The following ESRRG variants were observed in gnomAD, a reference collection of about 807,000 sequenced individuals.
The protein encoded by ESRRG is estrogen-related receptor gamma.
Under a neutral mutation model 44.0 loss-of-function variants are expected in ESRRG, and 13 were observed. The observed-to-expected ratio is 0.30, with a 90% confidence interval of 0.19 to 0.47. The LOEUF (loss-of-function observed/expected upper bound fraction) is 0.47. Ranked by LOEUF, ESRRG falls within the 20% of genes least tolerant of loss-of-function variation. The probability of loss-of-function intolerance (pLI) is 1.00; values close to 1 mark genes in which losing one functional copy is unlikely to be tolerated. For missense variants in ESRRG, 395 were observed against 580.6 expected, an observed-to-expected ratio of 0.68 and a Z score of 3.29; for synonymous variants, 215 against 214.6, an observed-to-expected ratio of 1.00 and a Z score of -0.02.
intron 1 of ESRRG, among the ~76,000 whole-genome samples, chr1:216,947,837 A>G (rs1417979967): frequency 6.6e-6 from 1 of 152,166 alleles, no homozygotes; most frequent in African/African-American, 2.4e-5. Context: ...AAGCTTATAT[A>G]AGGTCATGAG....
intron 1 of ESRRG, chr1:216,714,724 G>C (rs1291712199): frequency 5.8e-6 from 1 of 172,292 alleles, no homozygotes; most frequent in African/African-American, 2.4e-5. Context: ...CAACTGAATA[G>C]TTCAATATAA....
intron 1 of ESRRG, among the ~76,000 whole-genome samples, chr1:216,706,569 A>G (rs2813711): frequency 0.84 from 128,496 of 152,188 alleles, 54,301 homozygotes; most frequent in South Asian, 0.91. Flanking sequence ...TGCATTGCAT[A>G]TCACTTGCAA....
At position 216,714,691 on chromosome 1, in the gene ESRRG, T is replaced by G. The variant is rs890005014; in HGVS notation, c.56+8553A>C. On this transcript the variant is annotated intron_variant, in intron 1 of 6. Coordinates refer to ENST00000408911, the MANE Select transcript of ESRRG (RefSeq NM_001438.4). ...ATTTGAGTTTTTAACCTCTTATTAT[T>G]TGTCTTATTCTTCAGACTTAACCAA... 5 of 297,418 alleles carry G rather than the reference T, an allele frequency of 1.7e-5. No individual in the cohort carries two copies. In the South Asian group the frequency reaches 5.2e-4, roughly 31 times the overall value. The allele number at this position is 297,418 out of a possible 1,614,324, so 18.4% of individuals were successfully genotyped here. A position where few individuals can be genotyped will look rare whatever the true frequency, so the allele number is the denominator to read the frequency against.
chr1:216,676,946 T>G (rs2151487889), intron 2 of ESRRG, 130 bp downstream of exon 2: 2 of 658,446 alleles, frequency 3.0e-6, no homozygotes, highest in South Asian at 2.0e-5. Context: ...AATTGTAATC[T>G]ATTTCCATTT....
intron 2 of ESRRG, among the ~76,000 whole-genome samples, chr1:216,766,332 C>T (rs11572637): frequency 3.9e-5 from 6 of 151,914 alleles, no homozygotes; most frequent in Admixed American, 1.3e-4. Flanking sequence ...GCAGAGAAGA[C>T]GTATATGTGG....
chr1:216,869,337 T>C (rs965134797), intron 2 of ESRRG, among the ~76,000 whole-genome samples: 3 of 152,128 alleles, frequency 2.0e-5, no homozygotes, highest in East Asian at 1.9e-4. Context: ...AAAATTGCTT[T>C]TGTACCATTG....
intron 1 of ESRRG, among the ~76,000 whole-genome samples, chr1:217,080,681 T>A (rs1040287758): frequency 4.3e-5 from 4 of 93,700 alleles, no homozygotes; most frequent in African/African-American, 1.3e-4. Context: ...GTTTTTTTTT[T>A]TTTTTTTTTT....
intron 2 of ESRRG, among the ~76,000 whole-genome samples, chr1:216,779,348 TA>T (rs1393544063): frequency 1.1e-3 from 96 of 89,202 alleles, no homozygotes; most frequent in Non-Finnish European, 1.3e-3. Flanking sequence ...TTTATAAACA[TA>T]AAATATTTAT....
intron 1 of ESRRG, among the ~76,000 whole-genome samples, chr1:217,058,296 G>C (rs2087576493): frequency 6.6e-6 from 1 of 151,970 alleles, no homozygotes; most frequent in Admixed American, 6.6e-5. Flanking sequence ...AAAAGAAAGG[G>C]GTTTTATATC....
At chr1:217,016,739 G>T (rs1247863384) in intron 1 of ESRRG, among the ~76,000 whole-genome samples, 3 of 152,082 alleles carry the variant, frequency 2.0e-5, no homozygotes, top group Non-Finnish European at 4.4e-5. Context: ...TATCTCTAAA[G>T]CTAGGTGTTC....
intron 2 of ESRRG, among the ~76,000 whole-genome samples, chr1:216,859,574 G>C (rs933141029): frequency 5.3e-5 from 8 of 152,170 alleles, no homozygotes; most frequent in Non-Finnish European, 1.5e-5. Flanking sequence ...CTAGTGCCCA[G>C]TGCTTACATA....
At chr1:217,109,228 A>G (rs530238556) in intron 1 of ESRRG, among the ~76,000 whole-genome samples, 1 of 152,278 alleles carries the variant, frequency 6.6e-6, no homozygotes, top group South Asian at 2.1e-4. Context: ...CAGTGAAGAG[A>G]ATATTCTAAG....
chr1:216,688,375 G>A (rs79051180), intron 1 of ESRRG, among the ~76,000 whole-genome samples: 10 of 152,226 alleles, frequency 6.6e-5, no homozygotes, highest in South Asian at 6.2e-4. Context: ...AGCTGCTGTC[G>A]CTTCCATTCG....
intron 1 of ESRRG, among the ~76,000 whole-genome samples, chr1:216,983,029 CTG>C (rs1215601511): frequency 1.8e-4 from 13 of 72,862 alleles, no homozygotes; most frequent in Admixed American, 8.0e-4. Flanking sequence ...TGACTTTGAA[CTG>C]TTTTTTTTTT....
intron 2 of ESRRG, among the ~76,000 whole-genome samples, chr1:216,906,972 A>G (rs947721924): frequency 6.6e-6 from 1 of 152,152 alleles, no homozygotes; most frequent in Admixed American, 6.5e-5. Flanking sequence ...GCACATGTGT[A>G]TATATTTGTG....
intron 1 of ESRRG, among the ~76,000 whole-genome samples, chr1:216,700,553 G>C (rs1000911708): frequency 2.0e-5 from 3 of 151,914 alleles, no homozygotes; most frequent in African/African-American, 7.3e-5. Context: ...CTGGACTCTC[G>C]TACTACTGGT....
chr1:216,745,541 A>C (rs560126242), intron 2 of ESRRG, among the ~76,000 whole-genome samples: 57 of 149,522 alleles, frequency 3.8e-4, no homozygotes, highest in Non-Finnish European at 6.4e-4. Context: ...TATTGCAGAC[A>C]CTGTGCTATG....
At chr1:216,979,426 T>C (rs2073551551) in intron 1 of ESRRG, among the ~76,000 whole-genome samples, 1 of 152,174 alleles carries the variant, frequency 6.6e-6, no homozygotes, top group Non-Finnish European at 1.5e-5. Flanking sequence ...TGCCAGTCAC[T>C]GTCTTCTTCA....
At chr1:216,601,270 CCTCCCAGGGG>C (rs1423837683) in intron 3 of ESRRG, among the ~76,000 whole-genome samples, 1 of 152,038 alleles carries the variant, frequency 6.6e-6, no homozygotes, top group African/African-American at 2.4e-5. Flanking sequence ...CACCCCTGGG[CCTCCCAGGGG>C]CTCCCTCCGC....
Sources: allele counts gnomAD v4.1 joint callset (sites outside exome capture counted in the v4.1 genomes callset), GRCh38; gene constraint gnomAD v4.1.1; transcripts MANE v1.5; gene names NCBI Gene and HGNC (gene_info 2026-07-23, HGNC 2026-07-21).